The following TBX1 variants were observed in gnomAD, a reference collection of about 807,000 sequenced individuals.
TBX1 encodes T-box transcription factor 1, also known as T-box transcription factor TBX1.
Under a neutral mutation model 40.8 loss-of-function variants are expected in TBX1, and 16 were observed. The observed-to-expected ratio is 0.39, with a 90% CI of 0.27 to 0.60. TBX1 has a LOEUF of 0.60. Ranked by LOEUF, TBX1 falls within the 20% of genes least tolerant of loss-of-function variation. The pLI is 0.51. For missense variants in TBX1, 755 were observed against 728.5 expected, an observed-to-expected ratio of 1.04 and a Z score of -0.42; for synonymous variants, 403 against 336.8, an observed-to-expected ratio of 1.20 and a Z score of -2.15.
downstream of TBX1, among the ~76,000 whole-genome samples, chr22:19,768,978 T>TTTTTTTTTTTTTTTTTTTTA: frequency 7.4e-6 from 1 of 135,476 alleles, no homozygotes; most frequent in African/African-American, 3.0e-5. Flanking sequence ...TTTTTTTTTT[T>TTTTTTTTTTTTTTTTTTTTA]GAGACTGAGT....
Position 19,763,625 on chromosome 22 carries a change from C to T in TBX1, c.539+283C>T, listed in dbSNP as rs1003790070. 4.0e-5 allele frequency: 20 copies of T among 494,048 alleles called. No individual in the cohort carries two copies. In the East Asian group the frequency reaches 4.1e-4, roughly 10 times the overall value. 30.6% of individuals were successfully genotyped at this position (494,048 alleles called of 1,614,324 possible). A position where few individuals can be genotyped will look rare whatever the true frequency, so the allele number is the denominator to read the frequency against. On this transcript the variant is annotated intron_variant, in intron 2 of 6. Coordinates refer to ENST00000649276, the MANE Select transcript of TBX1 (RefSeq NM_001379200.1). ...GGGTGGTCAGCCAAGTACTCAGCCC[C>T]GGACTTCTTCAAGTCTCCCTCTCCC...
In TBX1 at chr22:19,766,762, AGCCGCCGCG is replaced by A. The variant is rs777514486; in HGVS notation, c.1419_1427del (p.Ala483_Ala485del). 1.2e-4 allele frequency: 177 copies of A among 1,488,698 alleles called. 3 individuals are homozygous for A. The African/African-American group carries it at 1.4e-3, about 12-fold the overall frequency. 92.2% of individuals were successfully genotyped at this position (1,488,698 alleles called of 1,614,324 possible). A position where few individuals can be genotyped will look rare whatever the true frequency, so the allele number is the denominator to read the frequency against. ...ACCACCACCACCACCCCGTGAGTCC[AGCCGCCGCG>A]GCCGCCGCCGCCGCTGCCGCAGCTG... is the stretch of plus-strand genomic sequence containing the variant. On this transcript the variant is annotated inframe_deletion, in exon 7 of 7. Coordinates refer to ENST00000649276, the MANE Select transcript of TBX1 (RefSeq NM_001379200.1).
Position 19,760,913 on chromosome 22 carries a change from GC to G in TBX1, c.72del (p.Ser25AlafsTer3). 9.5e-7 allele frequency: 1 copy of G among 1,056,382 alleles called. No homozygotes were observed. The highest frequency in any genetic ancestry group is 2.5e-5 in the South Asian group (1 of 39,244). 65.4% of individuals were successfully genotyped at this position (1,056,382 alleles called of 1,614,324 possible). On this transcript the variant is annotated frameshift_variant, in exon 1 of 7. Coordinates refer to ENST00000649276, the MANE Select transcript of TBX1 (RefSeq NM_001379200.1). LOFTEE classifies it high-confidence loss of function. ...TTTCTGCGACGTTGCAGCCTTCACG[GC>G]CAGCAGCCTGAGCAGCCTGGGGGCC... Reference protein sequence around the residue: ...SHFCDVAAFTASSLSSLGAAG... With the variant: ...SHFCDVAAFTXSSLSSLGAAG...
chr22:19,779,367 G>A (rs768623378), exon 9 of TBX1: 9 of 1,614,228 alleles, frequency 5.6e-6, no homozygotes, highest in East Asian at 2.2e-5. Flanking sequence ...AATACCCAGG[G>A]CCTGGTGGCT....
chr22:19,759,463 G>T (rs1936567636), upstream of TBX1: 1 of 1,426,794 alleles, frequency 7.0e-7, no homozygotes, highest in Non-Finnish European at 9.1e-7. Flanking sequence ...CACGCAGTCG[G>T]AGGCGGCGCC....
At chr22:19,762,917 C>T (rs1421139034) in intron 1 of TBX1, among the ~76,000 whole-genome samples, 1 of 152,160 alleles carries the variant, frequency 6.6e-6, no homozygotes, top group Non-Finnish European at 1.5e-5. Context: ...AAGCTGGGAC[C>T]AAGAGGCCAA....
chr22:19,759,618 G>T (rs772051850), upstream of TBX1: 2 of 1,611,302 alleles, frequency 1.2e-6, no homozygotes, highest in East Asian at 2.2e-5. Flanking sequence ...GTGAAGCTTC[G>T]CTGGCTGCCA....
At chr22:19,782,373 G>C (rs1185479400), downstream of TBX1, among the ~76,000 whole-genome samples, 1 of 152,136 alleles carries the variant, frequency 6.6e-6, no homozygotes, top group Non-Finnish European at 1.5e-5. Flanking sequence ...CACCTCCCTA[G>C]TTAAGCTAAT....
intron 8 of TBX1, among the ~76,000 whole-genome samples, chr22:19,777,718 A>T (rs1346468216): frequency 6.7e-6 from 1 of 150,338 alleles, no homozygotes; most frequent in African/African-American, 2.5e-5. Context: ...ACTGGGTTTC[A>T]GTGTGCTGGG....
intron 8 of TBX1, among the ~76,000 whole-genome samples, chr22:19,777,347 G>A (rs2145850059): frequency 6.6e-6 from 1 of 152,276 alleles, no homozygotes; most frequent in South Asian, 2.1e-4. Flanking sequence ...TGCTGAGAAT[G>A]ATGGTTTCCA....
intron 6 of TBX1, 21 bp downstream of exon 6, chr22:19,766,023 T>C: frequency 6.7e-7 from 1 of 1,486,036 alleles, no homozygotes; most frequent in South Asian, 1.3e-5. Flanking sequence ...GGTCGTGGGA[T>C]CCGGGTTCCG....
intron 1 of TBX1, among the ~76,000 whole-genome samples, chr22:19,762,655 G>T (rs567797983): frequency 1.3e-5 from 2 of 152,282 alleles, no homozygotes; most frequent in South Asian, 4.1e-4. Context: ...CCTGTGCCCT[G>T]AGGAAGGTGG....
chr22:19,770,070 C>G (rs1251737195), downstream of TBX1, among the ~76,000 whole-genome samples: 1 of 152,158 alleles, frequency 6.6e-6, no homozygotes, highest in African/African-American at 2.4e-5. Flanking sequence ...ACAGGCTCCC[C>G]CTCAGCTGTT....
chr22:19,776,251 G>T (rs1167000601), intron 8 of TBX1, among the ~76,000 whole-genome samples: 1 of 152,126 alleles, frequency 6.6e-6, no homozygotes, highest in Non-Finnish European at 1.5e-5. Flanking sequence ...TGGTTTCTCT[G>T]TCCCTACCCA....
chr22:19,768,234 A>G (rs1020475808), downstream of TBX1, among the ~76,000 whole-genome samples: 3 of 152,194 alleles, frequency 2.0e-5, no homozygotes, highest in Non-Finnish European at 4.4e-5. Flanking sequence ...GCTGCCTTCT[A>G]GGCCACTCGG....
In TBX1 at chr22:19,765,137, G is replaced by C. The variant is rs774748518; in HGVS notation, c.867+24G>C. On this transcript the variant is annotated intron_variant, in intron 4 of 6. Transcript: ENST00000649276. ...GGGTGAGGGCCTGTGGGGAGGACCTGAGCGGATTCAACGCCTCTGGAAAAG... is the reference window on the plus strand; with the variant it reads ...GGGTGAGGGCCTGTGGGGAGGACCTCAGCGGATTCAACGCCTCTGGAAAAG... The C allele has an allele frequency of 2.5e-6, 4 of 1,614,046 alleles. No individual in the cohort carries two copies. In the Admixed American group the frequency reaches 6.7e-5, roughly 27 times the overall value.
chr22:19,779,940 C>T (rs1442556522), downstream of TBX1, among the ~76,000 whole-genome samples: 1 of 151,162 alleles, frequency 6.6e-6, no homozygotes, highest in Non-Finnish European at 1.5e-5. Flanking sequence ...GTAAGCCTGA[C>T]TGCCCCCTCA....
At chr22:19,758,631 C>G (rs558295359), upstream of TBX1, among the ~76,000 whole-genome samples, 1 of 152,304 alleles carries the variant, frequency 6.6e-6, no homozygotes, top group Non-Finnish European at 1.5e-5. Flanking sequence ...CCAACATGTC[C>G]TCGTGTCCTC....
At chr22:19,759,633 C>T (rs1422870090), upstream of TBX1, 3 of 1,612,112 alleles carry the variant, frequency 1.9e-6, no homozygotes, top group Middle Eastern at 1.7e-4. Flanking sequence ...CTGCCAGGAT[C>T]CCCGGCAGGG....
Sources: allele counts gnomAD v4.1 joint callset (sites outside exome capture counted in the v4.1 genomes callset), GRCh38; gene constraint gnomAD v4.1.1; transcripts MANE v1.5; gene names NCBI Gene and HGNC (gene_info 2026-07-23, HGNC 2026-07-21).